The following FAM135A variants were observed in gnomAD, a reference collection of about 807,000 sequenced individuals.
The protein encoded by FAM135A is family with sequence similarity 135 member A, also known as protein FAM135A.
In FAM135A, 79 loss-of-function variants were observed where a neutral mutation model predicts 146.8. The ratio of observed to expected loss-of-function variants is 0.54; its 90% confidence interval spans 0.45 to 0.65. FAM135A has a LOEUF of 0.65. Ranked by LOEUF, FAM135A falls within the 30% of genes least tolerant of loss-of-function variation. FAM135A has a pLI of 0.00. For missense variants in FAM135A, 1,623 were observed against 1,758.2 expected, an observed-to-expected ratio of 0.92 and a Z score of 1.38; for synonymous variants, 562 against 603.6, an observed-to-expected ratio of 0.93 and a Z score of 1.01.
chr6:70,465,888 A>T (rs1334260033), intron 5 of FAM135A, among the ~76,000 whole-genome samples: 1 of 152,168 alleles, frequency 6.6e-6, no homozygotes, highest in Non-Finnish European at 1.5e-5. Flanking sequence ...TTCCTCCTGA[A>T]AGGCTCTTCC....
intron 11 of FAM135A, among the ~76,000 whole-genome samples, chr6:70,498,866 T>G (rs942661426): frequency 7.9e-5 from 12 of 152,222 alleles, no homozygotes; most frequent in Non-Finnish European, 1.6e-4. Flanking sequence ...TCCATTCTTT[T>G]GCATTTGCTG....
chr6:70,555,351 C>T (rs530374846), intron 20 of FAM135A, among the ~76,000 whole-genome samples: 32 of 152,254 alleles, frequency 2.1e-4, no homozygotes, highest in African/African-American at 7.7e-4. Flanking sequence ...CTGCAGCCTG[C>T]ACCTCCTGGG....
At chr6:70,526,985 G>A (rs1006019300) in intron 15 of FAM135A, among the ~76,000 whole-genome samples, 1 of 152,016 alleles carries the variant, frequency 6.6e-6, no homozygotes, top group Non-Finnish European at 1.5e-5. Context: ...CTATAGGATA[G>A]ACATTCCTGA....
At position 70,490,003 on chromosome 6, in the gene FAM135A, G is replaced by T. The variant is rs544509410; in HGVS notation, c.824-1031G>T. Among the ~76,000 whole-genome samples the T allele has an allele frequency of 3.9e-4, 60 of 152,144 alleles. No homozygotes were observed. In the South Asian group the frequency reaches 8.5e-3, roughly 22 times the overall value. On this transcript the variant is annotated intron_variant, in intron 10 of 21. Transcript: ENST00000418814. ...CTCCCTTGCCTGCTCGTATCTGGCCGTCTCCCCACTCTAACAATTATACTG... is the reference window on the plus strand; with the variant it reads ...CTCCCTTGCCTGCTCGTATCTGGCCTTCTCCCCACTCTAACAATTATACTG...
chr6:70,535,347 A>G (rs948228847), intron 18 of FAM135A, among the ~76,000 whole-genome samples: 15 of 152,018 alleles, frequency 9.9e-5, no homozygotes, highest in African/African-American at 3.6e-4. Flanking sequence ...TTTGATTTAA[A>G]CCAGGGGTCC....
chr6:70,495,005 G>A (rs1180538515), intron 11 of FAM135A, among the ~76,000 whole-genome samples: 1 of 151,996 alleles, frequency 6.6e-6, no homozygotes, highest in Non-Finnish European at 1.5e-5. Context: ...AATAATGCAA[G>A]TTTCAGCTTA....
intron 20 of FAM135A, among the ~76,000 whole-genome samples, chr6:70,542,687 G>T (rs931574466): frequency 6.6e-6 from 1 of 152,186 alleles, no homozygotes; most frequent in South Asian, 2.1e-4. Flanking sequence ...CCAATCTTAT[G>T]TCTCCAGGAC....
At chr6:70,421,130 T>C (rs905545088) in intron 2 of FAM135A, among the ~76,000 whole-genome samples, 12 of 152,096 alleles carry the variant, frequency 7.9e-5, no homozygotes, top group African/African-American at 2.7e-4. Flanking sequence ...GCAGTCTGCT[T>C]GTCTCAGCCT....
intron 4 of FAM135A, among the ~76,000 whole-genome samples, chr6:70,442,272 C>T (rs1455999510): frequency 1.4e-5 from 2 of 141,680 alleles, no homozygotes; most frequent in South Asian, 2.2e-4. Flanking sequence ...AGATATATCC[C>T]GTGAGGAATA....
intron 5 of FAM135A, among the ~76,000 whole-genome samples, chr6:70,456,844 T>G (rs1258384786): frequency 6.6e-6 from 1 of 152,218 alleles, no homozygotes; most frequent in Non-Finnish European, 1.5e-5. Context: ...AACCCCTGAT[T>G]ACTCTTCCTG....
intron 4 of FAM135A, among the ~76,000 whole-genome samples, chr6:70,445,749 C>T (rs746805179): frequency 2.6e-5 from 4 of 152,188 alleles, no homozygotes; most frequent in African/African-American, 7.2e-5. Flanking sequence ...AACCCACAAC[C>T]TTCCAGCATG....
intron 10 of FAM135A, chr6:70,486,354 T>C (rs1176765058): frequency 1.1e-6 from 1 of 886,910 alleles, no homozygotes; most frequent in African/African-American, 1.7e-5. Flanking sequence ...ATGTGGTATG[T>C]TTCCACCATT....
Position 70,526,590 on chromosome 6 carries a change from C to A in FAM135A, c.3506C>A (p.Ser1169Tyr). 1 of 1,613,562 alleles carries A rather than the reference C, an allele frequency of 6.2e-7. No individual in the cohort carries two copies. Among genetic ancestry groups the A allele is most frequent in the Non-Finnish European group, 8.5e-7 (1 of 1,179,656 alleles). The change falls in exon 15 of 22, where the codon TCT becomes TAT. Residue 1169 changes from serine (S) to tyrosine (Y), a missense_variant. Physicochemically the swap from Ser to Tyr is moderately radical, Grantham distance 144. Transcript: ENST00000418814. ...GAGTCTCCTTGTAATGTTAAATATT[C>A]TTCCAAAAGTAAATTTGATGCCATT... is the stretch of plus-strand genomic sequence containing the variant. ...PRESPCNVKYSSKSKFDAITK... is the reference protein window; with the variant it reads ...PRESPCNVKYYSKSKFDAITK...
intron 11 of FAM135A, among the ~76,000 whole-genome samples, chr6:70,500,748 G>C (rs1205997902): frequency 6.6e-6 from 1 of 152,210 alleles, no homozygotes; most frequent in Non-Finnish European, 1.5e-5. Flanking sequence ...CTCTGCTGCA[G>C]GTCTGTTGCA....
At chr6:70,545,093 G>T (rs1374160729) in intron 20 of FAM135A, among the ~76,000 whole-genome samples, 1 of 151,262 alleles carries the variant, frequency 6.6e-6, no homozygotes. Context: ...AAAAAACCAC[G>T]AGTATTATAG....
At chr6:70,457,970 G>A (rs541927180) in intron 5 of FAM135A, among the ~76,000 whole-genome samples, 1 of 152,134 alleles carries the variant, frequency 6.6e-6, no homozygotes, top group African/African-American at 2.4e-5. Flanking sequence ...ACTATGAAAT[G>A]TAGTGATCTG....
At chr6:70,493,194 AAAAT>A in intron 11 of FAM135A, among the ~76,000 whole-genome samples, 1 of 152,202 alleles carries the variant, frequency 6.6e-6, no homozygotes, top group South Asian at 2.1e-4. Context: ...TTAATTGAAA[AAAAT>A]AAAGAAAAAT....
chr6:70,497,687 T>C (rs182729463), intron 11 of FAM135A, among the ~76,000 whole-genome samples: 1 of 152,360 alleles, frequency 6.6e-6, no homozygotes, highest in East Asian at 1.9e-4. Context: ...ACCTACTTTA[T>C]TGAGAGTTCT....
intron 12 of FAM135A, among the ~76,000 whole-genome samples, chr6:70,511,528 A>G (rs899601097): frequency 2.6e-5 from 4 of 151,850 alleles, no homozygotes; most frequent in Non-Finnish European, 4.4e-5. Context: ...GTGTATATCT[A>G]TGTTACCATA....
Sources: gnomAD v4.1 joint callset for allele counts (sites outside exome capture counted in the v4.1 genomes callset) on GRCh38, gnomAD v4.1.1 for gene constraint, MANE v1.5 for transcripts, NCBI Gene and HGNC (gene_info 2026-07-23, HGNC 2026-07-21) for gene names.